ELP4: variants seen among roughly 807,000 people sequenced by gnomAD.
ELP4 encodes elongator acetyltransferase complex subunit 4, also known as elongator complex protein 4.
In ELP4, 51 loss-of-function variants were observed where a neutral mutation model predicts 48.9. The ratio of observed to expected loss-of-function variants is 1.04; its 90% CI spans 0.83 to 1.32. ELP4 has a LOEUF of 1.32. ELP4 is among the 40% of genes most tolerant of loss of function. The pLI, the probability that ELP4 is intolerant of heterozygous loss-of-function variation, is 0.00. For synonymous variants in ELP4, 210 were observed against 189.2 expected, an observed-to-expected ratio of 1.11 and a Z score of -0.90; for missense variants, 519 against 514.6, an observed-to-expected ratio of 1.01 and a Z score of -0.08.
chr11:31,708,540 C>G (rs543035320), intron 9 of ELP4, among the ~76,000 whole-genome samples: 45 of 151,908 alleles, frequency 3.0e-4, no homozygotes, highest in Admixed American at 1.2e-3. Flanking sequence ...ATACTTCTGG[C>G]CAGATCTGGA....
chr11:31,671,879 A>T (rs1945815468), intron 9 of ELP4, among the ~76,000 whole-genome samples: 1 of 152,220 alleles, frequency 6.6e-6, no homozygotes, highest in South Asian at 2.1e-4. Flanking sequence ...CCTCTGAAGT[A>T]GCCATGTGAC....
chr11:31,720,570 G>A (rs11031459), intron 9 of ELP4, among the ~76,000 whole-genome samples: 42,790 of 152,088 alleles, frequency 0.28, 6,356 homozygotes, highest in African/African-American at 0.37. Flanking sequence ...GTAAGGCATA[G>A]TAAAACTTTA....
At chr11:31,548,574 A>C (rs1956778469) in intron 3 of ELP4, among the ~76,000 whole-genome samples, 1 of 152,248 alleles carries the variant, frequency 6.6e-6, no homozygotes, top group African/African-American at 2.4e-5. Context: ...GGTAATTTAT[A>C]GATTCAGTGC....
chr11:31,524,123 T>A (rs1956257978), intron 2 of ELP4, among the ~76,000 whole-genome samples: 1 of 152,172 alleles, frequency 6.6e-6, no homozygotes, highest in Non-Finnish European at 1.5e-5. Context: ...CTATTATCAG[T>A]GTACTTTTAT....
At chr11:31,561,367 C>G (rs1166699499) in intron 3 of ELP4, among the ~76,000 whole-genome samples, 1 of 152,122 alleles carries the variant, frequency 6.6e-6, no homozygotes, top group Non-Finnish European at 1.5e-5. Context: ...AAAGTTCATT[C>G]TTGTCTCTCT....
chr11:31,634,545 T>A (rs1371340085), intron 7 of ELP4, among the ~76,000 whole-genome samples: 3 of 152,038 alleles, frequency 2.0e-5, no homozygotes, highest in African/African-American at 4.8e-5. Context: ...GAGATTCCCA[T>A]TGCGGATTTC....
intron 3 of ELP4, among the ~76,000 whole-genome samples, chr11:31,575,554 C>G (rs1027179959): frequency 6.6e-6 from 1 of 152,172 alleles, no homozygotes; most frequent in Non-Finnish European, 1.5e-5. Flanking sequence ...GGTCGGGTTA[C>G]CCACAAAGGG....
intron 9 of ELP4, among the ~76,000 whole-genome samples, chr11:31,672,237 G>A (rs568835881): frequency 1.3e-5 from 2 of 152,258 alleles, no homozygotes; most frequent in East Asian, 3.9e-4. Flanking sequence ...ACTCTATACT[G>A]AGTATTATTA....
intron 5 of ELP4, among the ~76,000 whole-genome samples, chr11:31,625,863 A>T (rs1229772258): frequency 6.6e-6 from 1 of 151,824 alleles, no homozygotes; most frequent in Non-Finnish European, 1.5e-5. Flanking sequence ...GCCCTTACAG[A>T]ATATTATTTT....
intron 9 of ELP4, among the ~76,000 whole-genome samples, chr11:31,782,016 G>A (rs1013343131): frequency 2.0e-5 from 3 of 152,130 alleles, no homozygotes; most frequent in Non-Finnish European, 4.4e-5. Flanking sequence ...CTCTATGAGT[G>A]TTACAGCTTT....
intron 9 of ELP4, among the ~76,000 whole-genome samples, chr11:31,660,021 A>G (rs987445596): frequency 6.6e-6 from 1 of 152,144 alleles, no homozygotes; most frequent in Non-Finnish European, 1.5e-5. Flanking sequence ...TGATTGAACT[A>G]TCTTTGTTTC....
chr11:31,572,265 C>G (rs924062511), intron 3 of ELP4, among the ~76,000 whole-genome samples: 11 of 152,208 alleles, frequency 7.2e-5, no homozygotes, highest in Admixed American at 4.6e-4. Context: ...ATCTCATGAA[C>G]TAACCTCTGC....
At chr11:31,747,386 G>A (rs1408224774) in intron 9 of ELP4, among the ~76,000 whole-genome samples, 1 of 152,120 alleles carries the variant, frequency 6.6e-6, no homozygotes, top group Non-Finnish European at 1.5e-5. Context: ...AGGAATAGAA[G>A]TAGACTATAG....
At chr11:31,552,798 T>G (rs2996467) in intron 3 of ELP4, among the ~76,000 whole-genome samples, 34,414 of 152,096 alleles carry the variant, frequency 0.23, 4,875 homozygotes, top group Non-Finnish European at 0.32. Context: ...GCCACAGTCC[T>G]TATAAGGACT....
rs758162806 is a variant in ELP4, at chr11:31,627,211, A to G, written c.738+17A>G. The stretch of plus-strand genomic sequence containing the variant: ...AATCCTCAGGTATTAAATAGCTTCA[A>G]AGTCTTTTATAATTATTTATATAAT... On this transcript the variant is annotated intron_variant, in intron 6 of 9. Transcript: ENST00000640961. The G allele has an allele frequency of 7.1e-6, 8 of 1,131,870 alleles. No homozygotes were observed. Among genetic ancestry groups the G allele is most frequent in the African/African-American group, 5.4e-5 (3 of 55,192 alleles). The allele number at this position is 1,131,870 out of a possible 1,614,324, so 70.1% of individuals were successfully genotyped here.
At chr11:31,609,691 A>G (rs757292233) in intron 5 of ELP4, among the ~76,000 whole-genome samples, 50 of 152,050 alleles carry the variant, frequency 3.3e-4, no homozygotes, top group Non-Finnish European at 1.0e-4. Context: ...AAAATACAAG[A>G]CTTTTAGATT....
At chr11:31,774,238 A>G (rs1407639999) in intron 9 of ELP4, among the ~76,000 whole-genome samples, 1 of 152,216 alleles carries the variant, frequency 6.6e-6, no homozygotes, top group Admixed American at 6.5e-5. Flanking sequence ...CTTTCGTCTT[A>G]TCAGTAGCTG....
intron 9 of ELP4, among the ~76,000 whole-genome samples, chr11:31,723,187 G>A (rs1947004699): frequency 6.6e-6 from 1 of 152,136 alleles, no homozygotes. Flanking sequence ...GAATGAGGCA[G>A]AAAGCAATAG....
chr11:31,725,961 T>G (rs1256233561), intron 9 of ELP4, among the ~76,000 whole-genome samples: 1 of 152,208 alleles, frequency 6.6e-6, no homozygotes, highest in South Asian at 2.1e-4. Context: ...GTAAAAAAAT[T>G]TTTTACATAT....
Sources: gnomAD v4.1 joint callset for allele counts (sites outside exome capture counted in the v4.1 genomes callset) on GRCh38, gnomAD v4.1.1 for gene constraint, MANE v1.5 for transcripts, NCBI Gene and HGNC (gene_info 2026-07-23, HGNC 2026-07-21) for gene names.